SDK1: variants seen among roughly 807,000 people sequenced by gnomAD.
The protein encoded by SDK1 is protein sidekick-1.
SDK1 carries 157 observed loss-of-function variants against 245.5 expected under a neutral mutation model. That is an observed-to-expected ratio of 0.64 (90% CI 0.56 to 0.73). The LOEUF (loss-of-function observed/expected upper bound fraction) is 0.73, where lower values mean the gene tolerates loss of function less well. SDK1 is among the 30% of genes least tolerant of loss of function. The pLI is 0.00. For missense variants in SDK1, 3,583 were observed against 3,002.3 expected, an observed-to-expected ratio of 1.19 and a Z score of -4.52; for synonymous variants, 1,647 against 1,278.5, an observed-to-expected ratio of 1.29 and a Z score of -6.15.
At chr7:3,855,987 G>A (rs1780535709) in intron 5 of SDK1, among the ~76,000 whole-genome samples, 1 of 152,104 alleles carries the variant, frequency 6.6e-6, no homozygotes. Context: ...GAATAATAAA[G>A]AATTTACTGA....
chr7:4,197,912 G>C (rs1296072520), intron 35 of SDK1, among the ~76,000 whole-genome samples: 1 of 152,216 alleles, frequency 6.6e-6, no homozygotes, highest in Admixed American at 6.5e-5. Flanking sequence ...GGGCTTAAAG[G>C]TTACTCTCAT....
At chr7:4,139,655 G>A (rs1485921684) in intron 28 of SDK1, among the ~76,000 whole-genome samples, 1 of 131,280 alleles carries the variant, frequency 7.6e-6, no homozygotes, top group Non-Finnish European at 1.6e-5. Flanking sequence ...GTATATGTGT[G>A]TGTGTATATG....
At chr7:3,667,280 C>G (rs527844581) in intron 4 of SDK1, among the ~76,000 whole-genome samples, 2 of 152,174 alleles carry the variant, frequency 1.3e-5, no homozygotes, top group Admixed American at 6.5e-5. Context: ...ATAGAGAACA[C>G]TGCAGCATCT....
intron 20 of SDK1, among the ~76,000 whole-genome samples, chr7:4,068,675 CTG>C (rs1166672123): frequency 1.3e-5 from 2 of 151,656 alleles, no homozygotes; most frequent in Non-Finnish European, 2.9e-5. Flanking sequence ...GAGGGGGTCT[CTG>C]TGGGAGACAG....
At chr7:3,718,154 A>G (rs936926013) in intron 4 of SDK1, among the ~76,000 whole-genome samples, 2 of 152,148 alleles carry the variant, frequency 1.3e-5, no homozygotes, top group African/African-American at 4.8e-5. Context: ...ACAGCAGTCC[A>G]GAGAAGAAAC....
intron 35 of SDK1, among the ~76,000 whole-genome samples, chr7:4,199,110 C>A (rs190069249): frequency 6.6e-6 from 1 of 152,110 alleles, no homozygotes; most frequent in Non-Finnish European, 1.5e-5. Flanking sequence ...CCAGCGTACC[C>A]GGCCTCAGTT....
chr7:3,302,762 A>G (rs1283763861), intron 1 of SDK1, among the ~76,000 whole-genome samples: 1 of 152,190 alleles, frequency 6.6e-6, no homozygotes, highest in Non-Finnish European at 1.5e-5. Context: ...TTTAAAACAC[A>G]TTAGTGAACT....
chr7:4,266,284 T>C lies in SDK1; in HGVS notation c.*900T>C, dbSNP rs1788464445. On this transcript the variant is annotated 3_prime_UTR_variant, in exon 45 of 45. Transcript: ENST00000404826. ...AATCTTTTTATCTTTTTTTAAACTA[T>C]GTCACATGAAATGAATGCGTCTTTG... 2 of 985,328 alleles carry C rather than the reference T, an allele frequency of 2.0e-6. No individual in the cohort carries two copies. The highest frequency in any genetic ancestry group is 1.1e-4 in the East Asian group (1 of 8,826). The allele number at this position is 985,328 out of a possible 1,614,324, so 61.0% of individuals were successfully genotyped here. A position where few individuals can be genotyped will look rare whatever the true frequency, so the allele number is the denominator to read the frequency against.
At chr7:3,710,777 A>G (rs983938190) in intron 4 of SDK1, among the ~76,000 whole-genome samples, 1 of 152,236 alleles carries the variant, frequency 6.6e-6, no homozygotes. Context: ...ACCTCCGTGT[A>G]TGTCTTGGAA....
chr7:4,131,735 C>T (rs563347007), intron 27 of SDK1, among the ~76,000 whole-genome samples: 2 of 152,022 alleles, frequency 1.3e-5, no homozygotes, highest in South Asian at 2.1e-4. Flanking sequence ...ATTGGTGCCC[C>T]GAACCACACA....
rs75058793 is a variant in SDK1, at chr7:3,552,736, G to A, written c.299-66344G>A. ...ATTTGCTAATTAGGTCATTCTAGGG[G>A]TTGAGGGAAATGAAAGACTTTGAAA... is the stretch of plus-strand genomic sequence containing the variant. On this transcript the variant is annotated intron_variant, in intron 1 of 44. Coordinates refer to ENST00000404826, the MANE Select transcript of SDK1 (RefSeq NM_152744.4). Among the ~76,000 whole-genome samples the A allele has an allele frequency of 5.2e-3, 794 of 152,280 alleles. 4 individuals carry two copies. The highest frequency in any genetic ancestry group is 0.017 in the African/African-American group (724 of 41,552).
intron 16 of SDK1, 41 bp downstream of exon 16, chr7:4,012,276 A>G (rs1383549289): frequency 1.4e-6 from 2 of 1,436,080 alleles, no homozygotes; most frequent in African/African-American, 1.5e-5. Flanking sequence ...CCGCCATTAG[A>G]GTTGAGCGTC....
chr7:3,901,411 C>T (rs1015333114), intron 5 of SDK1, among the ~76,000 whole-genome samples: 2 of 152,144 alleles, frequency 1.3e-5, no homozygotes, highest in African/African-American at 4.8e-5. Flanking sequence ...TGGTCTCGAT[C>T]TCTTGACCTT....
chr7:3,348,800 T>C (rs1234419703), intron 1 of SDK1, among the ~76,000 whole-genome samples: 2 of 152,214 alleles, frequency 1.3e-5, no homozygotes, highest in African/African-American at 4.8e-5. Context: ...AAGTGCCAAG[T>C]ACTATGCCTG....
intron 1 of SDK1, among the ~76,000 whole-genome samples, chr7:3,303,882 TA>T (rs1370679296): frequency 6.6e-6 from 1 of 152,218 alleles, no homozygotes; most frequent in African/African-American, 2.4e-5. Context: ...GAGTTGGTCA[TA>T]TGTGCAGGAG....
At chr7:3,663,554 T>C (rs1783431705) in intron 4 of SDK1, among the ~76,000 whole-genome samples, 1 of 152,172 alleles carries the variant, frequency 6.6e-6, no homozygotes, top group Admixed American at 6.5e-5. Context: ...ATGAGAGAGA[T>C]TGCTGTTTAG....
At chr7:4,144,727 G>T (rs986532559) in intron 28 of SDK1, among the ~76,000 whole-genome samples, 1 of 152,128 alleles carries the variant, frequency 6.6e-6, no homozygotes, top group African/African-American at 2.4e-5. Flanking sequence ...GGGGTCGCCC[G>T]GCAGCTCCTC....
At position 4,004,500 on chromosome 7, in the gene SDK1, A is replaced by G. The variant is rs1464655576; in HGVS notation, c.2132-6466A>G. On this transcript the variant is annotated intron_variant, in intron 14 of 44. Transcript: ENST00000404826. ...AACCAAATTACATTTTTCACCCACC[A>G]ATAGACAATTACAACAGTTATAAAA... Among the ~76,000 whole-genome samples the G allele has an allele frequency of 3.3e-5, 5 of 152,318 alleles. No homozygotes were observed. In the East Asian group the frequency reaches 5.8e-4, roughly 18 times the overall value.
intron 35 of SDK1, among the ~76,000 whole-genome samples, chr7:4,189,560 A>G (rs577602716): frequency 1.9e-4 from 29 of 152,124 alleles, no homozygotes; most frequent in Non-Finnish European, 4.1e-4. Context: ...ATTTAAAATC[A>G]CTCGGCCGGC....
Sources: gnomAD v4.1 joint callset for allele counts (sites outside exome capture counted in the v4.1 genomes callset) on GRCh38, gnomAD v4.1.1 for gene constraint, MANE v1.5 for transcripts, NCBI Gene and HGNC (gene_info 2026-07-23, HGNC 2026-07-21) for gene names.